Variants in COMMD10 observed in about 807,000 individuals in gnomAD.
COMMD10 encodes the protein COMM domain-containing protein 10.
COMMD10 carries 33 observed loss-of-function variants against 28.9 expected under a neutral mutation model. The observed-to-expected ratio is 1.14, with a 90% CI of 0.87 to 1.53. The LOEUF (loss-of-function observed/expected upper bound fraction) is 1.53. Ranked by LOEUF, COMMD10 falls within the 40% of genes most tolerant of loss-of-function variation. The pLI is 0.00. For missense variants in COMMD10, 310 were observed against 233.4 expected (o/e 1.33, Z -2.14); for synonymous variants, 110 against 81.7 (o/e 1.35, Z -1.87).
chr5:116,183,243 TA>T (rs1479239943), intron 5 of COMMD10, among the ~76,000 whole-genome samples: 37 of 152,210 alleles, frequency 2.4e-4, no homozygotes, highest in African/African-American at 8.7e-4. Flanking sequence ...TATGAAATGT[TA>T]ATATTTATAG....
chr5:116,276,108 A>T (rs1750904384), intron 5 of COMMD10, among the ~76,000 whole-genome samples: 1 of 151,318 alleles, frequency 6.6e-6, no homozygotes. Flanking sequence ...GGAGGGGGAG[A>T]GGAAATCAGG....
chr5:116,134,083 T>C lies in COMMD10; in HGVS notation c.415T>C (p.Trp139Arg). ...TCTTTTATAGCTAGAGACCGTTGGA[T>C]GGCAGCTTAACCTTCAGATGGCTCA... is the stretch of plus-strand genomic sequence containing the variant. ...LAPCKLETVGWQLNLQMAHSA... is the reference protein window; with the variant it reads ...LAPCKLETVGRQLNLQMAHSA... Residue 139 changes from tryptophan to arginine, a missense_variant, in exon 5 of 7, where the codon TGG (tryptophan) becomes CGG (arginine). Physicochemically the swap from Trp to Arg is moderately radical, Grantham distance 101. Transcript: ENST00000274458. The C allele has an allele frequency of 6.2e-7, 1 of 1,601,802 alleles. No homozygotes were observed. Among genetic ancestry groups the C allele is most frequent in the Non-Finnish European group, 8.6e-7 (1 of 1,168,562 alleles).
chr5:116,206,699 G>A (rs577376697), intron 5 of COMMD10, among the ~76,000 whole-genome samples: 5 of 152,118 alleles, frequency 3.3e-5, no homozygotes, highest in South Asian at 4.2e-4. Context: ...AGCTGTTCAC[G>A]TATTTAAAGG....
chr5:116,187,572 A>G (rs998288448), intron 5 of COMMD10, among the ~76,000 whole-genome samples: 1 of 152,132 alleles, frequency 6.6e-6, no homozygotes, highest in Non-Finnish European at 1.5e-5. Flanking sequence ...AAAGTAGGTT[A>G]AATGATCTCT....
At chr5:116,205,406 C>T (rs1018064221) in intron 5 of COMMD10, among the ~76,000 whole-genome samples, 2 of 152,036 alleles carry the variant, frequency 1.3e-5, no homozygotes, top group Non-Finnish European at 2.9e-5. Context: ...GAATTTTTAC[C>T]ATCTTCTGAA....
At chr5:116,237,005 G>T (rs1245021521) in intron 5 of COMMD10, among the ~76,000 whole-genome samples, 1 of 152,048 alleles carries the variant, frequency 6.6e-6, no homozygotes, top group Admixed American at 6.6e-5. Flanking sequence ...TAATGTATTG[G>T]GGTGGGGGTA....
chr5:116,261,087 T>C (rs899144225), intron 5 of COMMD10, among the ~76,000 whole-genome samples: 1 of 151,772 alleles, frequency 6.6e-6, no homozygotes, highest in Non-Finnish European at 1.5e-5. Flanking sequence ...CTATGGAAAT[T>C]TGTTGCTTTT....
rs200533774 is a variant in COMMD10, at chr5:116,265,541, T to TA, written c.511-25975dup. Among the ~76,000 whole-genome samples, 1,141 of 151,934 alleles carry TA rather than the reference T, an allele frequency of 7.5e-3. 46 individuals carry two copies. The highest frequency in any genetic ancestry group is 0.027 in the African/African-American group (1,111 of 41,296). The stretch of plus-strand genomic sequence containing the variant: ...TGTTTTCCTTACTCACCATTTTCCA[T>TA]ACGGCTTTATTTTCCTCTTAGTTTG... On this transcript the variant is annotated intron_variant, in intron 5 of 6. Transcript: ENST00000274458.
At chr5:116,247,996 G>T (rs1398796649) in intron 5 of COMMD10, among the ~76,000 whole-genome samples, 6 of 151,878 alleles carry the variant, frequency 4.0e-5, no homozygotes, top group Non-Finnish European at 7.4e-5. Flanking sequence ...AAAATTTTAT[G>T]CAATACCTAC....
intron 5 of COMMD10, among the ~76,000 whole-genome samples, chr5:116,224,668 C>G (rs913688520): frequency 4.6e-5 from 7 of 152,130 alleles, no homozygotes; most frequent in African/African-American, 9.7e-5. Flanking sequence ...GGGATCTTCC[C>G]CCAAGCCCCA....
chr5:116,291,456 G>GA, intron 5 of COMMD10, 61 bp from the exon 6 acceptor site: 4 of 1,187,678 alleles, frequency 3.4e-6, no homozygotes, highest in East Asian at 2.4e-5. Context: ...TAGCTGGAGA[G>GA]AAAAAATGTG....
chr5:116,276,340 C>T (rs908911245), intron 5 of COMMD10, among the ~76,000 whole-genome samples: 3 of 151,704 alleles, frequency 2.0e-5, no homozygotes, highest in Admixed American at 6.6e-5. Flanking sequence ...GTAACCTCCA[C>T]CTCCCAGGTT....
At position 116,199,850 on chromosome 5, in the gene COMMD10, G is replaced by C. The variant is rs112744412; in HGVS notation, c.510+65672G>C. On this transcript the variant is annotated intron_variant, in intron 5 of 6. Transcript: ENST00000274458. ...TCAAGCAATCCTCCAGAGTATCTGG[G>C]ATTACAGGTATGTAGCACCATGCCT... 3.9e-5 allele frequency among the ~76,000 whole-genome samples: 6 copies of C among 152,100 alleles called. 1 individual carries two copies. The highest frequency in any genetic ancestry group is 2.1e-4 in the South Asian group (1 of 4,832).
intron 5 of COMMD10, 107 bp from the exon 6 acceptor site, chr5:116,291,410 C>A (rs957949135): frequency 2.6e-6 from 2 of 764,406 alleles, no homozygotes; most frequent in Non-Finnish European, 4.4e-6. Context: ...TTTTTTAAAA[C>A]CACTCAGAGG....
At chr5:116,156,027 G>A (rs1407704115) in intron 5 of COMMD10, among the ~76,000 whole-genome samples, 4 of 151,992 alleles carry the variant, frequency 2.6e-5, no homozygotes, top group South Asian at 4.2e-4. Flanking sequence ...TTTTCTTCAT[G>A]TTAATAATAA....
chr5:116,092,796 G>A, intron 4 of COMMD10, 96 bp downstream of exon 4: 8 of 857,376 alleles, frequency 9.3e-6, no homozygotes, highest in Non-Finnish European at 1.2e-5. Context: ...TTTGTTGAGA[G>A]GTAGAGTCAG....
At chr5:116,163,908 A>G (rs988963906) in intron 5 of COMMD10, among the ~76,000 whole-genome samples, 8 of 152,196 alleles carry the variant, frequency 5.3e-5, no homozygotes, top group African/African-American at 1.7e-4. Flanking sequence ...TTTGTCTTGT[A>G]TATGAGTAAA....
Position 116,167,004 on chromosome 5 carries a change from C to T in COMMD10, c.510+32826C>T, listed in dbSNP as rs117948729. On this transcript the variant is annotated intron_variant, in intron 5 of 6. Transcript: ENST00000274458. ...ATAACTGGTTGGAGAATGAGTTTGA[C>T]GAATTGACAGAAGTGGGCTTCAGAA... Among the ~76,000 whole-genome samples the T allele has an allele frequency of 8.1e-3, 1,230 of 152,026 alleles. 17 individuals carry two copies. Among genetic ancestry groups the T allele is most frequent in the African/African-American group, 0.025 (1,047 of 41,498 alleles).
At chr5:116,207,790 A>G (rs959197722) in intron 5 of COMMD10, among the ~76,000 whole-genome samples, 1 of 152,176 alleles carries the variant, frequency 6.6e-6, no homozygotes, top group African/African-American at 2.4e-5. Context: ...AAGTGCTGGG[A>G]TTACAGGTGT....
Sources: gnomAD v4.1 joint callset for allele counts (sites outside exome capture counted in the v4.1 genomes callset) on GRCh38, gnomAD v4.1.1 for gene constraint, MANE v1.5 for transcripts, NCBI Gene and HGNC (gene_info 2026-07-23, HGNC 2026-07-21) for gene names.